Variants in CCDC102B observed in about 807,000 individuals in gnomAD.
The protein encoded by CCDC102B is coiled-coil domain-containing protein 102B.
In CCDC102B, 75 loss-of-function variants were observed where a neutral mutation model predicts 57.4. The observed-to-expected ratio is 1.31, with a 90% CI of 1.08 to 1.58. The LOEUF (loss-of-function observed/expected upper bound fraction) is 1.58. CCDC102B is among the 40% of genes most tolerant of loss of function. The pLI, the probability that CCDC102B is intolerant of heterozygous loss-of-function variation, is 0.00. For missense variants in CCDC102B, 636 were observed against 582.6 expected, an observed-to-expected ratio of 1.09 and a Z score of -0.94; for synonymous variants, 206 against 201.9, an observed-to-expected ratio of 1.02 and a Z score of -0.17.
chr18:68,809,464 GA>G (rs2052432161), intron 1 of CCDC102B, among the ~76,000 whole-genome samples: 1 of 152,110 alleles, frequency 6.6e-6, no homozygotes, highest in Admixed American at 6.5e-5. Flanking sequence ...AAAACCTAAT[GA>G]AAATTATAAT....
At chr18:68,835,323 C>T (rs564842009) in intron 1 of CCDC102B, among the ~76,000 whole-genome samples, 1 of 152,230 alleles carries the variant, frequency 6.6e-6, no homozygotes, top group East Asian at 1.9e-4. Context: ...GTCATAACTT[C>T]TTCAGTACCC....
At chr18:68,879,751 A>G (rs549073930) in intron 5 of CCDC102B, among the ~76,000 whole-genome samples, 162 of 145,964 alleles carry the variant, frequency 1.1e-3, no homozygotes, top group African/African-American at 4.0e-3. Flanking sequence ...CCCCACCAGA[A>G]TAGCTAAATA....
intron 2 of CCDC102B, among the ~76,000 whole-genome samples, chr18:68,772,802 C>T (rs1323220263): frequency 6.6e-6 from 1 of 152,000 alleles, no homozygotes; most frequent in Non-Finnish European, 1.5e-5. Context: ...AAAAGAATGG[C>T]TTTAGTATTT....
chr18:68,755,347 G>T (rs2034009074), intron 2 of CCDC102B, among the ~76,000 whole-genome samples: 1 of 152,104 alleles, frequency 6.6e-6, no homozygotes. Flanking sequence ...TTGGAGACAG[G>T]CCCCGCTGTG....
intron 7 of CCDC102B, among the ~76,000 whole-genome samples, chr18:69,026,140 G>A (rs921526694): frequency 1.3e-5 from 2 of 152,120 alleles, no homozygotes; most frequent in Admixed American, 1.3e-4. Context: ...TGGGTGAAAA[G>A]GAGCTGGAAT....
chr18:69,024,127 A>ATGT (rs2051921600), intron 7 of CCDC102B, among the ~76,000 whole-genome samples: 1 of 152,106 alleles, frequency 6.6e-6, no homozygotes. Context: ...TATTAAAGTT[A>ATGT]TGTTCAAGGA....
In CCDC102B at chr18:68,838,628, A is replaced by C. The variant is rs118053570; in HGVS notation, c.607-78A>C. On this transcript the variant is annotated intron_variant, in intron 2 of 7. Coordinates refer to ENST00000360242, the MANE Select transcript of CCDC102B (RefSeq NM_024781.3). The stretch of plus-strand genomic sequence containing the variant: ...AATTGGTTGTGGTATCGTAACATTT[A>C]TTTCTTTATGAAAATGTTTTGTCAT... The C allele has an allele frequency of 9.1e-4, 1,394 of 1,538,364 alleles. 2 individuals are homozygous for C. Among genetic ancestry groups the C allele is most frequent in the Non-Finnish European group, 1.1e-3 (1,304 of 1,143,112 alleles).
At chr18:68,989,696 G>A (rs1232373788) in intron 6 of CCDC102B, among the ~76,000 whole-genome samples, 3 of 152,206 alleles carry the variant, frequency 2.0e-5, no homozygotes, top group Non-Finnish European at 4.4e-5. Context: ...TTGCCTGTGA[G>A]AGTGCCGCAC....
chr18:68,813,651 G>T (rs2036359090), intron 1 of CCDC102B, among the ~76,000 whole-genome samples: 1 of 151,948 alleles, frequency 6.6e-6, no homozygotes, highest in South Asian at 2.1e-4. Flanking sequence ...GAGCCCAGGC[G>T]AGGGGAGACC....
At chr18:68,974,521 A>G (rs2050383658) in intron 6 of CCDC102B, among the ~76,000 whole-genome samples, 1 of 151,890 alleles carries the variant, frequency 6.6e-6, no homozygotes, top group South Asian at 2.1e-4. Context: ...TTCCCATTTT[A>G]TTGACATTAA....
In CCDC102B at chr18:69,006,399, T is replaced by G. The variant is rs989869123; in HGVS notation, c.1264-4535T>G. Among the ~76,000 whole-genome samples, 23 of 74,410 alleles carry G rather than the reference T, an allele frequency of 3.1e-4. No homozygotes were observed. The East Asian group carries it at 7.5e-3, about 24-fold the overall frequency. The allele number at this position is 74,410 out of a possible 152,430, so 48.8% of individuals were successfully genotyped here. On this transcript the variant is annotated intron_variant, in intron 6 of 7. Coordinates refer to ENST00000360242, the MANE Select transcript of CCDC102B (RefSeq NM_024781.3). ...CAAAGGCCATAGCTTTGAGATTTAT[T>G]TATTTATTTATTTATTTATTTATTT...
intron 2 of CCDC102B, among the ~76,000 whole-genome samples, chr18:68,789,847 G>A (rs1423473630): frequency 2.4e-4 from 37 of 151,716 alleles, no homozygotes; most frequent in Admixed American, 7.2e-4. Flanking sequence ...GTCATTCTCC[G>A]TCCAGCTTTG....
intron 7 of CCDC102B, among the ~76,000 whole-genome samples, chr18:69,046,642 G>T (rs2052574919): frequency 6.6e-6 from 1 of 152,014 alleles, no homozygotes; most frequent in African/African-American, 2.4e-5. Flanking sequence ...AATTGCTTTT[G>T]GCATCTTTGT....
At chr18:68,952,598 T>G (rs1382962214) in intron 6 of CCDC102B, among the ~76,000 whole-genome samples, 1 of 152,034 alleles carries the variant, frequency 6.6e-6, no homozygotes. Flanking sequence ...AAAGTCAAAA[T>G]TTAAGGGCCT....
intron 7 of CCDC102B, among the ~76,000 whole-genome samples, chr18:69,020,016 A>G (rs1439180650): frequency 6.6e-6 from 1 of 151,280 alleles, no homozygotes; most frequent in Admixed American, 6.6e-5. Context: ...ACATGAATTA[A>G]TTCGTGTGTT....
chr18:68,840,256 A>G (rs572216201), intron 3 of CCDC102B, among the ~76,000 whole-genome samples: 1 of 152,306 alleles, frequency 6.6e-6, no homozygotes, highest in Admixed American at 6.5e-5. Flanking sequence ...CACACAATGT[A>G]TTATATAAGT....
At chr18:68,804,823 A>G (rs1184937939) in intron 1 of CCDC102B, among the ~76,000 whole-genome samples, 3 of 152,030 alleles carry the variant, frequency 2.0e-5, no homozygotes. Flanking sequence ...ATTTTAGAAA[A>G]TGCCAAAGAT....
chr18:68,786,135 T>G (rs2035201086), intron 2 of CCDC102B, among the ~76,000 whole-genome samples: 1 of 148,612 alleles, frequency 6.7e-6, no homozygotes, highest in South Asian at 2.1e-4. Context: ...GATCAGATAG[T>G]TGTAGATATG....
chr18:68,741,513 G>A (rs763156363), intron 2 of CCDC102B, among the ~76,000 whole-genome samples: 1 of 152,088 alleles, frequency 6.6e-6, no homozygotes, highest in African/African-American at 2.4e-5. Context: ...GTGCTGATGG[G>A]GATAGAGTTG....
Sources: gnomAD v4.1 joint callset for allele counts (sites outside exome capture counted in the v4.1 genomes callset) on GRCh38, gnomAD v4.1.1 for gene constraint, MANE v1.5 for transcripts, NCBI Gene and HGNC (gene_info 2026-07-23, HGNC 2026-07-21) for gene names.